Variants in NKAIN2 observed in about 807,000 individuals in gnomAD.
The protein encoded by NKAIN2 is sodium/potassium transporting ATPase interacting 2, also known as sodium/potassium-transporting ATPase subunit beta-1-interacting protein 2.
Under a neutral mutation model 32.6 loss-of-function variants are expected in NKAIN2, and 14 were observed. That is an observed-to-expected ratio of 0.43 (90% CI 0.28 to 0.67). NKAIN2 has a LOEUF of 0.67. Among genes scored for constraint, NKAIN2 ranks in the 30% least tolerant of loss-of-function variants. The probability of loss-of-function intolerance (pLI) is 0.17; values close to 1 mark genes in which losing one functional copy is unlikely to be tolerated. For synonymous variants in NKAIN2, 80 were observed against 87.2 expected, an observed-to-expected ratio of 0.92 and a Z score of 0.46; for missense variants, 198 against 258.3, an observed-to-expected ratio of 0.77 and a Z score of 1.60.
chr6:124,218,097 A>G (rs1791584991), intron 1 of NKAIN2, among the ~76,000 whole-genome samples: 1 of 152,084 alleles, frequency 6.6e-6, no homozygotes. Flanking sequence ...GTTAAAAAAA[A>G]AAAAAGTGGA....
intron 1 of NKAIN2, among the ~76,000 whole-genome samples, chr6:124,097,351 C>T (rs1488365356): frequency 6.6e-6 from 1 of 150,784 alleles, no homozygotes; most frequent in South Asian, 2.1e-4. Flanking sequence ...TGCATTGAGC[C>T]GACATCGCGC....
intron 3 of NKAIN2, among the ~76,000 whole-genome samples, chr6:124,440,826 A>G (rs1775656596): frequency 6.6e-6 from 1 of 152,062 alleles, no homozygotes; most frequent in Admixed American, 6.6e-5. Flanking sequence ...CAGAATCAAG[A>G]CATGTAAATC....
chr6:124,015,137 C>A (rs1041698518), intron 1 of NKAIN2, among the ~76,000 whole-genome samples: 1 of 152,118 alleles, frequency 6.6e-6, no homozygotes, highest in African/African-American at 2.4e-5. Context: ...TGTCCAAATA[C>A]CATTTCTCTC....
chr6:124,811,876 T>TA lies in NKAIN2; in HGVS notation c.536-6501dup, dbSNP rs928336012. Among the ~76,000 whole-genome samples the TA allele has an allele frequency of 1.1e-3, 172 of 150,056 alleles. 2 individuals carry two copies. The highest frequency in any genetic ancestry group is 3.3e-3 in the African/African-American group (137 of 40,958). ...ATCAATTATACCTCAGTATAGCTCT[T>TA]AAAAAAAAAATCCTGAGTTGTCTTC... On this transcript the variant is annotated intron_variant, in intron 5 of 6. Coordinates refer to ENST00000368417, the MANE Select transcript of NKAIN2 (RefSeq NM_001040214.3).
chr6:124,038,332 A>C (rs1455293943), intron 1 of NKAIN2, among the ~76,000 whole-genome samples: 1 of 151,658 alleles, frequency 6.6e-6, no homozygotes, highest in African/African-American at 2.4e-5. Context: ...CTCCTGCCTC[A>C]GCCTCCTGCG....
intron 2 of NKAIN2, among the ~76,000 whole-genome samples, chr6:124,336,904 A>G (rs1797899631): frequency 6.6e-6 from 1 of 151,860 alleles, no homozygotes; most frequent in Admixed American, 6.6e-5. Context: ...ATCTTCTGAC[A>G]TTGTGATCCA....
At chr6:124,128,296 TAATATAG>T (rs915455650) in intron 1 of NKAIN2, among the ~76,000 whole-genome samples, 1 of 152,232 alleles carries the variant, frequency 6.6e-6, no homozygotes, top group African/African-American at 2.4e-5. Context: ...AAATGTTCTA[TAATATAG>T]ATAGCTATTG....
At chr6:124,448,836 G>C (rs1477333449) in intron 3 of NKAIN2, among the ~76,000 whole-genome samples, 1 of 152,074 alleles carries the variant, frequency 6.6e-6, no homozygotes, top group Non-Finnish European at 1.5e-5. Context: ...TTCATGATTA[G>C]AATTTAAATT....
chr6:124,116,903 C>T (rs1785643473), intron 1 of NKAIN2, among the ~76,000 whole-genome samples: 1 of 151,878 alleles, frequency 6.6e-6, no homozygotes, highest in Admixed American at 6.6e-5. Context: ...AAGAAAAACA[C>T]TAAGCCATAG....
chr6:123,925,126 C>T (rs1392111744), intron 1 of NKAIN2, among the ~76,000 whole-genome samples: 1 of 152,030 alleles, frequency 6.6e-6, no homozygotes, highest in Non-Finnish European at 1.5e-5. Context: ...ATTATAGGTA[C>T]TACAATGAAT....
chr6:124,287,750 G>T (rs898901285), intron 2 of NKAIN2, among the ~76,000 whole-genome samples: 2 of 152,100 alleles, frequency 1.3e-5, no homozygotes, highest in Admixed American at 6.5e-5. Context: ...TGGGGAAGTA[G>T]AATGTGATCT....
At chr6:124,286,665 T>A (rs1490814952) in intron 2 of NKAIN2, among the ~76,000 whole-genome samples, 2 of 123,922 alleles carry the variant, frequency 1.6e-5, no homozygotes, top group African/African-American at 9.3e-5. Context: ...TGTGTGTGTG[T>A]GTGTGTGTGC....
At chr6:124,489,105 T>C (rs947574573) in intron 3 of NKAIN2, among the ~76,000 whole-genome samples, 38 of 151,968 alleles carry the variant, frequency 2.5e-4, no homozygotes, top group African/African-American at 9.2e-4. Context: ...AGGTAAAATA[T>C]AATCGGAGCT....
intron 4 of NKAIN2, among the ~76,000 whole-genome samples, chr6:124,790,901 C>G (rs1167365374): frequency 6.6e-6 from 1 of 152,074 alleles, no homozygotes; most frequent in Non-Finnish European, 1.5e-5. Flanking sequence ...TGCAACAAAC[C>G]ACAGAATCAC....
chr6:124,042,815 C>A (rs1781932527), intron 1 of NKAIN2, among the ~76,000 whole-genome samples: 1 of 151,756 alleles, frequency 6.6e-6, no homozygotes, highest in Admixed American at 6.6e-5. Flanking sequence ...CTAGAGTGTC[C>A]CAGTGAAAGC....
intron 1 of NKAIN2, among the ~76,000 whole-genome samples, chr6:123,834,587 C>G (rs576398017): frequency 5.9e-5 from 9 of 152,132 alleles, no homozygotes; most frequent in Non-Finnish European, 1.2e-4. Context: ...ATTGAATTAG[C>G]TAGTACTTCT....
At chr6:123,923,475 A>T (rs1054179625) in intron 1 of NKAIN2, among the ~76,000 whole-genome samples, 1 of 151,948 alleles carries the variant, frequency 6.6e-6, no homozygotes, top group Non-Finnish European at 1.5e-5. Flanking sequence ...ACATATCCTT[A>T]TACATCTGAC....
chr6:124,047,079 C>T (rs1334602930), intron 1 of NKAIN2, among the ~76,000 whole-genome samples: 3 of 152,000 alleles, frequency 2.0e-5, no homozygotes, highest in Admixed American at 1.3e-4. Flanking sequence ...AGGTCACTAT[C>T]TGTACTGCTT....
intron 2 of NKAIN2, among the ~76,000 whole-genome samples, chr6:124,288,542 G>T (rs1449727268): frequency 6.6e-6 from 1 of 152,118 alleles, no homozygotes; most frequent in Non-Finnish European, 1.5e-5. Flanking sequence ...TATTCATGCG[G>T]GAAAACAATA....
Sources: allele counts gnomAD v4.1 joint callset (sites outside exome capture counted in the v4.1 genomes callset), GRCh38; gene constraint gnomAD v4.1.1; transcripts MANE v1.5; gene names NCBI Gene and HGNC (gene_info 2026-07-23, HGNC 2026-07-21).